The following ACVR2A variants were observed in gnomAD, a reference collection of about 807,000 sequenced individuals.
ACVR2A encodes the protein activin receptor type-2A.
ACVR2A carries 7 observed loss-of-function variants against 61.4 expected under a neutral mutation model. The observed-to-expected ratio is 0.11, with a 90% confidence interval of 0.06 to 0.21. The LOEUF (loss-of-function observed/expected upper bound fraction) is 0.21. ACVR2A is among the 10% of genes least tolerant of loss of function. ACVR2A has a pLI of 1.00. For synonymous variants in ACVR2A, 193 were observed against 208.3 expected, an observed-to-expected ratio of 0.93 and a Z score of 0.63; for missense variants, 322 against 621.7, an observed-to-expected ratio of 0.52 and a Z score of 5.13.
At chr2:147,851,300 GA>G (rs1418266190) in intron 1 of ACVR2A, among the ~76,000 whole-genome samples, 2 of 152,004 alleles carry the variant, frequency 1.3e-5, no homozygotes, top group Non-Finnish European at 2.9e-5. Flanking sequence ...ATAGACTCTG[GA>G]TATAGACCTA....
At chr2:147,892,000 CTCTT>C (rs972672056) in intron 1 of ACVR2A, among the ~76,000 whole-genome samples, 1 of 151,854 alleles carries the variant, frequency 6.6e-6, no homozygotes, top group Non-Finnish European at 1.5e-5. Flanking sequence ...GAGACAGAGT[CTCTT>C]TCTGTTGCCC....
chr2:147,889,448 T>C (rs1686523687), intron 1 of ACVR2A, among the ~76,000 whole-genome samples: 1 of 152,118 alleles, frequency 6.6e-6, no homozygotes, highest in Non-Finnish European at 1.5e-5. Context: ...AATTTTCTCA[T>C]AGAAGTAGAC....
Position 147,930,745 on chromosome 2 carries a change from G to GTGAT in ACVR2A, c.*3474_*3477dup, listed in dbSNP as rs1164724108. The GTGAT allele has an allele frequency of 6.6e-6, 1 of 152,254 alleles. No individual in the cohort carries two copies. Among genetic ancestry groups the GTGAT allele is most frequent in the Non-Finnish European group, 1.5e-5 (1 of 67,974 alleles). The allele number at this position is 152,254 out of a possible 1,614,324, so 9.4% of individuals were successfully genotyped here. ...CCCCATAAAACCCCACCTTGGATAA[G>GTGAT]TGATTGTTAAATATTGTACAAATAA... On this transcript the variant is annotated 3_prime_UTR_variant, in exon 11 of 11. Transcript: ENST00000241416.
chr2:147,866,998 C>G (rs886711543), intron 1 of ACVR2A, among the ~76,000 whole-genome samples: 8 of 152,060 alleles, frequency 5.3e-5, no homozygotes, highest in African/African-American at 1.9e-4. Context: ...TAGAGAAGAT[C>G]AAGGTGTGTC....
intron 4 of ACVR2A, among the ~76,000 whole-genome samples, chr2:147,909,687 G>A (rs1048703788): frequency 5.9e-5 from 9 of 152,132 alleles, no homozygotes; most frequent in East Asian, 1.9e-4. Flanking sequence ...ACCCAGGCGG[G>A]AATGCAGTGG....
chr2:147,845,455 T>G (rs1247039781), intron 1 of ACVR2A, among the ~76,000 whole-genome samples: 1 of 150,794 alleles, frequency 6.6e-6, no homozygotes, highest in Non-Finnish European at 1.5e-5. Context: ...TGTGTTGTTG[T>G]GGAAGTGAGA....
At chr2:147,860,403 A>G (rs1014217111) in intron 1 of ACVR2A, among the ~76,000 whole-genome samples, 5 of 152,048 alleles carry the variant, frequency 3.3e-5, no homozygotes, top group African/African-American at 1.2e-4. Flanking sequence ...TGTTACAAGC[A>G]GAAGTCTTGG....
chr2:147,924,278 C>G (rs1331280552), intron 9 of ACVR2A, among the ~76,000 whole-genome samples: 1 of 151,934 alleles, frequency 6.6e-6, no homozygotes, highest in African/African-American at 2.4e-5. Context: ...CATAACAAAT[C>G]ATTGGATTAA....
At chr2:147,883,315 C>A (rs771905318) in intron 1 of ACVR2A, among the ~76,000 whole-genome samples, 2 of 152,140 alleles carry the variant, frequency 1.3e-5, no homozygotes, top group East Asian at 3.9e-4. Flanking sequence ...CTCAGCCTCC[C>A]GAGTAGCTGG....
At chr2:147,895,770 G>A (rs1362866186) in intron 1 of ACVR2A, among the ~76,000 whole-genome samples, 1 of 152,102 alleles carries the variant, frequency 6.6e-6, no homozygotes, top group Non-Finnish European at 1.5e-5. Flanking sequence ...TATATAATAT[G>A]TATAACATAG....
At chr2:147,884,111 G>T (rs956166831) in intron 1 of ACVR2A, among the ~76,000 whole-genome samples, 6 of 152,108 alleles carry the variant, frequency 3.9e-5, no homozygotes, top group African/African-American at 1.4e-4. Flanking sequence ...TTCTGATTTT[G>T]AGAATTTACC....
At chr2:147,868,847 G>A (rs1024513785) in intron 1 of ACVR2A, among the ~76,000 whole-genome samples, 1 of 151,870 alleles carries the variant, frequency 6.6e-6, no homozygotes, top group African/African-American at 2.4e-5. Context: ...TGCCCAGGCT[G>A]GTCTCCACCT....
intron 1 of ACVR2A, among the ~76,000 whole-genome samples, chr2:147,881,596 C>T (rs1490721541): frequency 4.3e-4 from 49 of 113,456 alleles, no homozygotes; most frequent in African/African-American, 1.4e-3. Flanking sequence ...TCTCAAGAAG[C>T]TGCTTAGTGT....
intron 2 of ACVR2A, 81 bp downstream of exon 2, chr2:147,896,589 C>T: frequency 7.6e-7 from 1 of 1,317,902 alleles, no homozygotes; most frequent in Non-Finnish European, 1.1e-6. Context: ...AAGATCAGTG[C>T]ATAAATTTTC....
intron 4 of ACVR2A, among the ~76,000 whole-genome samples, chr2:147,906,317 A>C (rs576550606): frequency 2.0e-5 from 3 of 152,072 alleles, no homozygotes; most frequent in Admixed American, 6.6e-5. Flanking sequence ...TTGATTGCCT[A>C]TGGTGTGCCA....
chr2:147,846,963 T>G (rs1573907307), intron 1 of ACVR2A, among the ~76,000 whole-genome samples: 1 of 152,084 alleles, frequency 6.6e-6, no homozygotes, highest in African/African-American at 2.4e-5. Flanking sequence ...TCTTGAGCAG[T>G]CTCAAGGTAT....
intron 1 of ACVR2A, among the ~76,000 whole-genome samples, chr2:147,848,114 G>A (rs1344379198): frequency 6.6e-6 from 1 of 152,188 alleles, no homozygotes; most frequent in Non-Finnish European, 1.5e-5. Flanking sequence ...GGGGGAGTTA[G>A]CATTACAGAG....
At position 147,912,228 on chromosome 2, in the gene ACVR2A, A is replaced by G. The variant is rs73003437; in HGVS notation, c.529-2963A>G. Among the ~76,000 whole-genome samples the G allele has an allele frequency of 6.0e-3, 912 of 152,082 alleles. 1 individual carries two copies. The highest frequency in any genetic ancestry group is 0.011 in the African/African-American group (459 of 41,548). ...TGGGGGCAGGAGATTACTTTTTACC[A>G]GGTTATCATTTCAGTATGTGTTCTG... On this transcript the variant is annotated intron_variant, in intron 4 of 10. Coordinates refer to ENST00000241416, the MANE Select transcript of ACVR2A (RefSeq NM_001616.5).
upstream of ACVR2A, chr2:147,844,902 G>C (rs1685258989): frequency 4.7e-6 from 2 of 429,280 alleles, no homozygotes; most frequent in African/African-American, 2.1e-5. Context: ...GTTTGGTTTT[G>C]TGTGTTGTGC....
Sources: allele counts gnomAD v4.1 joint callset (sites outside exome capture counted in the v4.1 genomes callset), GRCh38; gene constraint gnomAD v4.1.1; transcripts MANE v1.5; gene names NCBI Gene and HGNC (gene_info 2026-07-23, HGNC 2026-07-21).